Variants in COPS7B observed in about 807,000 individuals in gnomAD.
COPS7B encodes the protein COP9 signalosome complex subunit 7b.
COPS7B carries 9 observed loss-of-function variants against 33.4 expected under a neutral mutation model. The observed-to-expected ratio is 0.27, with a 90% CI of 0.16 to 0.47. The LOEUF (loss-of-function observed/expected upper bound fraction) is 0.47, where lower values mean the gene tolerates loss of function less well. Among genes scored for constraint, COPS7B ranks in the 20% least tolerant of loss-of-function variants. COPS7B has a pLI of 0.99. For synonymous variants in COPS7B, 119 were observed against 126.3 expected, an observed-to-expected ratio of 0.94 and a Z score of 0.39; for missense variants, 242 against 318.2, an observed-to-expected ratio of 0.76 and a Z score of 1.82.
At chr2:231,803,332 C>T (rs907202563) in intron 6 of COPS7B, among the ~76,000 whole-genome samples, 6 of 152,082 alleles carry the variant, frequency 3.9e-5, no homozygotes, top group African/African-American at 1.4e-4. Flanking sequence ...GGAATGACTG[C>T]TTCCAAGTGT....
chr2:231,793,620 ATTCT>A (rs2049483568), intron 3 of COPS7B: 1 of 152,030 alleles, frequency 6.6e-6, no homozygotes, highest in South Asian at 2.1e-4. Context: ...TCTTCCATGA[ATTCT>A]TTCTTTTTAT....
chr2:231,799,638 C>T (rs960812600), intron 6 of COPS7B, among the ~76,000 whole-genome samples: 2 of 152,122 alleles, frequency 1.3e-5, no homozygotes, highest in Non-Finnish European at 2.9e-5. Flanking sequence ...GTACCTGTAA[C>T]CTGACACATG....
chr2:231,783,488 T>G (rs1202818634), upstream of COPS7B, among the ~76,000 whole-genome samples: 3 of 152,246 alleles, frequency 2.0e-5, no homozygotes, highest in Non-Finnish European at 1.5e-5. Context: ...TGGTATCTCA[T>G]TAAGGTATTT....
At chr2:231,807,314 A>T (rs563501726) in intron 6 of COPS7B, among the ~76,000 whole-genome samples, 173 bp from the exon 7 acceptor site, 1 of 152,194 alleles carries the variant, frequency 6.6e-6, no homozygotes, top group African/African-American at 2.4e-5. Flanking sequence ...ACTCATTTCC[A>T]CAAATCTGCT....
At chr2:231,791,990 T>G (rs1215283540) in intron 3 of COPS7B, 182 bp downstream of exon 3, 4 of 699,174 alleles carry the variant, frequency 5.7e-6, no homozygotes, top group African/African-American at 1.8e-5. Flanking sequence ...CCTTTTATAT[T>G]CTAGTGGGTC....
At chr2:231,798,257 T>C (rs1471963342) in intron 5 of COPS7B, among the ~76,000 whole-genome samples, 1 of 98,830 alleles carries the variant, frequency 1.0e-5, no homozygotes, top group East Asian at 2.2e-4. Context: ...CTACCTTCTT[T>C]TTTTTTTTTT....
chr2:231,789,483 A>G (rs1009970309), intron 2 of COPS7B: 2 of 152,878 alleles, frequency 1.3e-5, no homozygotes, highest in Non-Finnish European at 2.9e-5. Flanking sequence ...CTTTTGGCGG[A>G]TTGGTGGGGC....
upstream of COPS7B, chr2:231,782,036 T>C (rs974408115): frequency 4.5e-6 from 3 of 670,266 alleles, no homozygotes; most frequent in African/African-American, 5.4e-5. Flanking sequence ...GGGAGAGCTA[T>C]GGATTGTATA....
At chr2:231,792,919 C>G (rs1272155824) in intron 3 of COPS7B, among the ~76,000 whole-genome samples, 5 of 152,182 alleles carry the variant, frequency 3.3e-5, no homozygotes, top group Non-Finnish European at 7.3e-5. Context: ...CTTTGTGCTG[C>G]TGTCAGACTG....
At chr2:231,793,191 G>A (rs1037171256) in intron 3 of COPS7B, among the ~76,000 whole-genome samples, 7 of 152,132 alleles carry the variant, frequency 4.6e-5, no homozygotes, top group African/African-American at 1.2e-4. Flanking sequence ...TACACTCCTC[G>A]AAGTTAGATG....
Position 231,808,882 on chromosome 2 carries a change from G to A in COPS7B, c.*1237G>A, listed in dbSNP as rs560908700. 10 of 152,274 alleles carry A rather than the reference G, an allele frequency of 6.6e-5. No individual in the cohort carries two copies. The highest frequency in any genetic ancestry group is 2.2e-4 in the African/African-American group (9 of 40,192). The allele number at this position is 152,274 out of a possible 1,614,324, so 9.4% of individuals were successfully genotyped here. ...CTGATTAAAGTTCATTGAGGAAAAA[G>A]CACATTTTACAACAAAAAAATAAAA... On this transcript the variant is annotated 3_prime_UTR_variant, in exon 7 of 7. Coordinates refer to ENST00000350033, the MANE Select transcript of COPS7B (RefSeq NM_022730.4).
At chr2:231,786,406 G>A (rs1168247714), upstream of COPS7B, 2 of 980,920 alleles carry the variant, frequency 2.0e-6, no homozygotes, top group Non-Finnish European at 2.4e-6. Context: ...TTCCGGGGGA[G>A]CTGCACGGGC....
At chr2:231,785,425 C>A (rs985398271), upstream of COPS7B, among the ~76,000 whole-genome samples, 4 of 152,224 alleles carry the variant, frequency 2.6e-5, no homozygotes, top group African/African-American at 9.6e-5. Flanking sequence ...TGACAATGGG[C>A]ACTACCCCCC....
At chr2:231,805,329 T>C (rs1464444337) in intron 6 of COPS7B, among the ~76,000 whole-genome samples, 1 of 151,766 alleles carries the variant, frequency 6.6e-6, no homozygotes, top group African/African-American at 2.4e-5. Flanking sequence ...GCGAGATGCC[T>C]CAGGGTTCTG....
At chr2:231,800,672 GTTAT>G (rs1283635032) in intron 6 of COPS7B, among the ~76,000 whole-genome samples, 1 of 152,206 alleles carries the variant, frequency 6.6e-6, no homozygotes, top group Non-Finnish European at 1.5e-5. Context: ...TTAAATTTTG[GTTAT>G]TTAAACACAG....
chr2:231,802,142 C>T (rs1461024833), intron 6 of COPS7B, among the ~76,000 whole-genome samples: 2 of 152,116 alleles, frequency 1.3e-5, no homozygotes, highest in Non-Finnish European at 2.9e-5. Flanking sequence ...ATAACTATTG[C>T]TACATTTACA....
Position 231,794,281 on chromosome 2 carries a change from C to T in COPS7B, c.257C>T (p.Pro86Leu), listed in dbSNP as rs2049502409. 5 of 1,613,932 alleles carry T rather than the reference C, an allele frequency of 3.1e-6. No homozygotes were observed. The highest frequency in any genetic ancestry group is 4.2e-6 in the Non-Finnish European group (5 of 1,179,928). ...TGAGCAGCCAACAAGGAGAGCCTGCCAGAACTGAGCACAGCTCAGCAGAAC... is the reference window on the plus strand; with the variant it reads ...TGAGCAGCCAACAAGGAGAGCCTGCTAGAACTGAGCACAGCTCAGCAGAAC... Reference protein sequence around the residue: ...PDYIANKESLPELSTAQQNKL... With the variant: ...PDYIANKESLLELSTAQQNKL... Residue 86 changes from proline to leucine, a missense_variant, in exon 4 of 7, where the codon CCA (proline) becomes CTA (leucine). By Grantham distance (98) the Pro-to-Leu change is moderately conservative. Transcript: ENST00000350033.
chr2:231,791,027 C>T (rs192785950), intron 2 of COPS7B: 35 of 154,646 alleles, frequency 2.3e-4, no homozygotes, highest in East Asian at 5.8e-4. Flanking sequence ...CGTGAGCCAC[C>T]GCGCCCGGCC....
At chr2:231,799,081 A>G (rs1169566278) in intron 6 of COPS7B, 117 bp downstream of exon 6, 12 of 855,634 alleles carry the variant, frequency 1.4e-5, no homozygotes, top group Non-Finnish European at 2.3e-5. Flanking sequence ...GTCACCAACA[A>G]GTGGGCCTGG....
Sources: allele counts gnomAD v4.1 joint callset (sites outside exome capture counted in the v4.1 genomes callset), GRCh38; gene constraint gnomAD v4.1.1; transcripts MANE v1.5; gene names NCBI Gene and HGNC (gene_info 2026-07-23, HGNC 2026-07-21).